TRA2A: variants seen among roughly 807,000 people sequenced by gnomAD.
TRA2A encodes transformer-2 protein homolog alpha.
TRA2A carries 31 observed loss-of-function variants against 45.7 expected under a neutral mutation model. That is an observed-to-expected ratio of 0.68 (90% CI 0.51 to 0.92). The LOEUF (loss-of-function observed/expected upper bound fraction) is 0.92. Among genes scored for constraint, TRA2A ranks in the 40% least tolerant of loss-of-function variants. The pLI, the probability that TRA2A is intolerant of heterozygous loss-of-function variation, is 0.00. For synonymous variants in TRA2A, 132 were observed against 126.2 expected, an observed-to-expected ratio of 1.05 and a Z score of -0.31; for missense variants, 304 against 367.5, an observed-to-expected ratio of 0.83 and a Z score of 1.41.
intron 2 of TRA2A, among the ~76,000 whole-genome samples, chr7:23,521,503 C>CA (rs1351930810): frequency 6.6e-6 from 1 of 152,278 alleles, no homozygotes; most frequent in Non-Finnish European, 1.5e-5. Flanking sequence ...TGCAGTGGTG[C>CA]AATCAATGCA....
intron 1 of TRA2A, among the ~76,000 whole-genome samples, chr7:23,525,747 G>A (rs1399407755): frequency 1.3e-5 from 2 of 151,992 alleles, no homozygotes; most frequent in African/African-American, 4.8e-5. Context: ...ACCCGCCATC[G>A]CACCTGGCTA....
At chr7:23,517,267 G>A (rs1258356688) in intron 2 of TRA2A, among the ~76,000 whole-genome samples, 1 of 151,240 alleles carries the variant, frequency 6.6e-6, no homozygotes, top group East Asian at 1.9e-4. Context: ...CGGATCACGA[G>A]GTCAGGAGAT....
chr7:23,519,965 C>T (rs577320685), intron 2 of TRA2A, among the ~76,000 whole-genome samples: 6 of 152,186 alleles, frequency 3.9e-5, no homozygotes, highest in Non-Finnish European at 7.3e-5. Flanking sequence ...CAGTGGCTCA[C>T]GCCTGTAATC....
intron 4 of TRA2A, 110 bp downstream of exon 4, chr7:23,512,784 A>T: frequency 9.9e-7 from 1 of 1,010,176 alleles, no homozygotes; most frequent in South Asian, 2.0e-5. Flanking sequence ...AAAAAAAAAA[A>T]AAAGAAAAAA....
rs1050877320 is a variant in TRA2A, at chr7:23,504,988, T to C, written c.*571A>G. 6.6e-6 allele frequency: 1 copy of C among 152,602 alleles called. No homozygotes were observed. Among genetic ancestry groups the C allele is most frequent in the South Asian group, 2.1e-4 (1 of 4,824 alleles). The allele number at this position is 152,602 out of a possible 1,614,324, so 9.5% of individuals were successfully genotyped here. On this transcript the variant is annotated 3_prime_UTR_variant, in exon 8 of 8. Transcript: ENST00000297071. ...ATAAACTTAACAACAACAAAAAAAATCACACTTTAGTTTTTAAGTTTTAAC... is the reference window on the plus strand; with the variant it reads ...ATAAACTTAACAACAACAAAAAAAACCACACTTTAGTTTTTAAGTTTTAAC...
At chr7:23,513,887 G>A (rs967761220) in intron 3 of TRA2A, among the ~76,000 whole-genome samples, 1 of 152,136 alleles carries the variant, frequency 6.6e-6, no homozygotes, top group Admixed American at 6.6e-5. Flanking sequence ...GAGAACAAAG[G>A]AAGGAGGAAG....
At chr7:23,515,052 G>A (rs940807020) in intron 3 of TRA2A, among the ~76,000 whole-genome samples, 1 of 151,860 alleles carries the variant, frequency 6.6e-6, no homozygotes, top group Non-Finnish European at 1.5e-5. Context: ...AACATAACTT[G>A]CCTCACAGAA....
chr7:23,518,199 A>G (rs1049506522), intron 2 of TRA2A, among the ~76,000 whole-genome samples: 9 of 152,006 alleles, frequency 5.9e-5, no homozygotes, highest in African/African-American at 9.6e-5. Flanking sequence ...GACCTCCCCA[A>G]TTAAGCCAGT....
intron 1 of TRA2A, among the ~76,000 whole-genome samples, chr7:23,529,778 G>A (rs978276815): frequency 6.6e-6 from 1 of 151,740 alleles, no homozygotes; most frequent in South Asian, 2.1e-4. Context: ...ACAAAGGGCC[G>A]TAAGAGGGCC....
rs1351907691 is a variant in TRA2A at position 23,531,945 on chromosome 7, C to A, written c.-121G>T. ...AAAGAGTCGGCAACCACAGCCGCTC[C>A]ACTCCACTCCCACTCGGTCGCAGGC... On this transcript the variant is annotated 5_prime_UTR_variant, in exon 1 of 8. Transcript: ENST00000297071. The A allele has an allele frequency of 1.9e-6, 2 of 1,051,232 alleles. No homozygotes were observed. Among genetic ancestry groups the A allele is most frequent in the African/African-American group, 1.6e-5 (1 of 63,362 alleles). The allele number at this position is 1,051,232 out of a possible 1,614,324, so 65.1% of individuals were successfully genotyped here.
Position 23,520,147 on chromosome 7 carries a change from T to C in TRA2A, c.170+1560A>G, listed in dbSNP as rs574570882. Among the ~76,000 whole-genome samples, 228 of 152,042 alleles carry C rather than the reference T, an allele frequency of 1.5e-3. 1 individual carries two copies. The highest frequency in any genetic ancestry group is 5.0e-3 in the African/African-American group (209 of 41,468). Reference sequence around the variant, plus strand: ...AGGAGAACTGCTTGAACCCGGGAGGTGGAGGTTGCAGTGAGCCAAGATCGT... The same window carrying C: ...AGGAGAACTGCTTGAACCCGGGAGGCGGAGGTTGCAGTGAGCCAAGATCGT... On this transcript the variant is annotated intron_variant, in intron 2 of 7. Transcript: ENST00000297071.
chr7:23,505,206 C>T lies in TRA2A; in HGVS notation c.*353G>A, dbSNP rs1447051793. The T allele has an allele frequency of 1.4e-5, 3 of 222,176 alleles. No homozygotes were observed. Among genetic ancestry groups the T allele is most frequent in the Non-Finnish European group, 2.6e-5 (3 of 115,994 alleles). The allele number at this position is 222,176 out of a possible 1,614,324, so 13.8% of individuals were successfully genotyped here. On this transcript the variant is annotated 3_prime_UTR_variant, in exon 8 of 8. Coordinates refer to ENST00000297071, the MANE Select transcript of TRA2A (RefSeq NM_013293.5). Reference sequence around the variant, plus strand: ...TCATGATAAATGCAGATCTCTAATACAGTATCTAACACAAAAGAAGCTTTA... The same window carrying T: ...TCATGATAAATGCAGATCTCTAATATAGTATCTAACACAAAAGAAGCTTTA...
chr7:23,524,737 T>G (rs1487655580), intron 1 of TRA2A, among the ~76,000 whole-genome samples: 1 of 151,702 alleles, frequency 6.6e-6, no homozygotes, highest in Non-Finnish European at 1.5e-5. Flanking sequence ...TAGCTCAGGC[T>G]GGAGTACAGT....
intron 4 of TRA2A, among the ~76,000 whole-genome samples, chr7:23,512,075 T>C (rs770862500): frequency 2.6e-5 from 4 of 152,198 alleles, no homozygotes; most frequent in East Asian, 1.9e-4. Context: ...TTTAAACACA[T>C]ATAGCTCACT....
chr7:23,506,449 A>G (rs1789343464), intron 5 of TRA2A, 183 bp from the exon 6 acceptor site: 2 of 595,194 alleles, frequency 3.4e-6, no homozygotes, highest in South Asian at 4.4e-5. Context: ...CCCTACATAC[A>G]TAATCAAGAA....
At chr7:23,511,370 C>CAAAAAAAAAAAAAAAAAAAAAAAAAAAA (rs567187750) in intron 4 of TRA2A, among the ~76,000 whole-genome samples, 1 of 40,116 alleles carries the variant, frequency 2.5e-5, no homozygotes, top group Non-Finnish European at 4.6e-5. Flanking sequence ...GACTCCATCT[C>CAAAAAAAAAAAAAAAAAAAAAAAAAAAA]AAAAAAAAAA....
At chr7:23,516,176 A>G (rs1393170963) in intron 3 of TRA2A, among the ~76,000 whole-genome samples, 187 bp downstream of exon 3, 1 of 152,170 alleles carries the variant, frequency 6.6e-6, no homozygotes, top group Non-Finnish European at 1.5e-5. Context: ...ATTCTTTGTC[A>G]TAAAACATGG....
intron 2 of TRA2A, among the ~76,000 whole-genome samples, chr7:23,518,896 A>C (rs1219074130): frequency 6.6e-6 from 1 of 152,054 alleles, no homozygotes; most frequent in African/African-American, 2.4e-5. Context: ...CATGTTGGCC[A>C]GGATGGTCTA....
intron 1 of TRA2A, among the ~76,000 whole-genome samples, chr7:23,528,378 T>C (rs1341658187): frequency 1.3e-5 from 2 of 152,048 alleles, no homozygotes; most frequent in South Asian, 2.1e-4. Context: ...CAGCTAATTT[T>C]TGTATTTTTA....
Sources: gnomAD v4.1 joint callset for allele counts (sites outside exome capture counted in the v4.1 genomes callset) on GRCh38, gnomAD v4.1.1 for gene constraint, MANE v1.5 for transcripts, NCBI Gene and HGNC (gene_info 2026-07-23, HGNC 2026-07-21) for gene names.